NME7: variants seen among roughly 807,000 people sequenced by gnomAD.
The protein encoded by NME7 is NME/NM23 family member 7, also known as nucleoside diphosphate kinase 7.
Under a neutral mutation model 49.1 loss-of-function variants are expected in NME7, and 41 were observed. The ratio of observed to expected loss-of-function variants is 0.83; its 90% CI spans 0.65 to 1.08. The LOEUF is 1.08. Among genes scored for constraint, NME7 ranks in the 50% least tolerant of loss-of-function variants. The pLI is 0.00. For missense variants in NME7, 423 were observed against 463.4 expected (o/e 0.91, Z 0.80); for synonymous variants, 139 against 150.6 (o/e 0.92, Z 0.56).
At chr1:169,283,606 G>T (rs1650133833) in intron 7 of NME7, among the ~76,000 whole-genome samples, 1 of 152,116 alleles carries the variant, frequency 6.6e-6, no homozygotes. Flanking sequence ...TTCATATTTA[G>T]TGCTTCTTTC....
chr1:169,255,597 C>G (rs1280014245), intron 7 of NME7, among the ~76,000 whole-genome samples: 14 of 126,210 alleles, frequency 1.1e-4, no homozygotes, highest in African/African-American at 3.6e-4. Flanking sequence ...TGAATTTGAT[C>G]CTGTCATTAT....
intron 6 of NME7, 150 bp downstream of exon 6, chr1:169,298,406 T>C: frequency 1.4e-6 from 1 of 726,848 alleles, no homozygotes; most frequent in African/African-American, 1.8e-5. Flanking sequence ...GAATCACTGT[T>C]TGATAGTAGG....
intron 10 of NME7, among the ~76,000 whole-genome samples, chr1:169,187,357 C>T (rs140652377): frequency 2.2e-3 from 336 of 152,026 alleles, no homozygotes; most frequent in African/African-American, 7.4e-3. Context: ...TTAAAGTCTC[C>T]CACTATTATT....
At chr1:169,247,647 T>A (rs1648380921) in intron 7 of NME7, among the ~76,000 whole-genome samples, 1 of 152,068 alleles carries the variant, frequency 6.6e-6, no homozygotes, top group Non-Finnish European at 1.5e-5. Context: ...CAACCCTCCC[T>A]CTTCTGAGTC....
intron 7 of NME7, among the ~76,000 whole-genome samples, chr1:169,261,428 A>G (rs1274493138): frequency 2.2e-5 from 3 of 134,116 alleles, no homozygotes; most frequent in African/African-American, 7.6e-5. Context: ...AAAGAAGTAA[A>G]CGTGCATTAG....
At chr1:169,326,109 G>T (rs978147985) in intron 1 of NME7, among the ~76,000 whole-genome samples, 4 of 151,992 alleles carry the variant, frequency 2.6e-5, no homozygotes, top group African/African-American at 9.7e-5. Flanking sequence ...TAGAAGAAAT[G>T]ACACATCTAA....
At chr1:169,249,075 A>G (rs1648446584) in intron 7 of NME7, among the ~76,000 whole-genome samples, 1 of 152,144 alleles carries the variant, frequency 6.6e-6, no homozygotes. Context: ...TGCTTTGGGT[A>G]GTATGGTCAT....
At chr1:169,327,461 GTAT>G (rs780061213) in intron 1 of NME7, among the ~76,000 whole-genome samples, 4 of 152,132 alleles carry the variant, frequency 2.6e-5, no homozygotes, top group Non-Finnish European at 4.4e-5. Flanking sequence ...AGGAAAATGT[GTAT>G]TATTATACCA....
At chr1:169,136,734 TTAAA>T (rs1252602789) in intron 11 of NME7, among the ~76,000 whole-genome samples, 2 of 152,226 alleles carry the variant, frequency 1.3e-5, no homozygotes, top group Non-Finnish European at 1.5e-5. Flanking sequence ...ACCATTAAAT[TTAAA>T]TAAGAACAAT....
At chr1:169,250,637 C>T (rs1490387874) in intron 7 of NME7, among the ~76,000 whole-genome samples, 1 of 151,926 alleles carries the variant, frequency 6.6e-6, no homozygotes, top group Non-Finnish European at 1.5e-5. Context: ...TTTAGTACTG[C>T]TTTTACTATA....
At chr1:169,178,301 A>G (rs1450400354) in intron 10 of NME7, among the ~76,000 whole-genome samples, 4 of 152,184 alleles carry the variant, frequency 2.6e-5, no homozygotes, top group African/African-American at 9.7e-5. Flanking sequence ...ATTTTTGGCT[A>G]GAATTCTTGC....
At chr1:169,184,154 A>C (rs1050408426) in intron 10 of NME7, among the ~76,000 whole-genome samples, 9 of 152,124 alleles carry the variant, frequency 5.9e-5, no homozygotes, top group African/African-American at 1.7e-4. Context: ...AAAAAAAAAA[A>C]CAAAATTCCA....
chr1:169,194,130 A>C (rs1463617565), intron 10 of NME7, among the ~76,000 whole-genome samples: 1 of 152,206 alleles, frequency 6.6e-6, no homozygotes, highest in East Asian at 1.9e-4. Context: ...TTGAATTCCA[A>C]AATGAAATAA....
At chr1:169,233,808 A>G (rs1205540861) in intron 9 of NME7, among the ~76,000 whole-genome samples, 2 of 152,172 alleles carry the variant, frequency 1.3e-5, no homozygotes, top group Non-Finnish European at 2.9e-5. Flanking sequence ...TGTCAAAGCC[A>G]AATTTTCAGA....
intron 7 of NME7, among the ~76,000 whole-genome samples, chr1:169,252,963 A>G (rs1648702149): frequency 6.7e-6 from 1 of 149,522 alleles, no homozygotes; most frequent in Admixed American, 6.7e-5. Flanking sequence ...TGGTTACTGT[A>G]GCCTTGTAGT....
intron 10 of NME7, among the ~76,000 whole-genome samples, chr1:169,184,162 C>T (rs1178527788): frequency 6.6e-6 from 1 of 151,786 alleles, no homozygotes; most frequent in Non-Finnish European, 1.5e-5. Context: ...AAACAAAATT[C>T]CATTTCCTCA....
At chr1:169,244,818 T>C (rs1278194527) in intron 7 of NME7, among the ~76,000 whole-genome samples, 1 of 151,846 alleles carries the variant, frequency 6.6e-6, no homozygotes, top group Non-Finnish European at 1.5e-5. Context: ...CTGGCATCAA[T>C]ATTTTCCCTT....
At chr1:169,236,959 T>A (rs1647881173) in intron 8 of NME7, among the ~76,000 whole-genome samples, 2 of 152,132 alleles carry the variant, frequency 1.3e-5, no homozygotes, top group South Asian at 4.1e-4. Flanking sequence ...TTTATCTGAT[T>A]TATATAATAA....
intron 10 of NME7, among the ~76,000 whole-genome samples, chr1:169,171,927 C>T (rs1289776085): frequency 1.3e-5 from 2 of 151,800 alleles, no homozygotes; most frequent in African/African-American, 2.4e-5. Flanking sequence ...ACCATTTTTC[C>T]TGAGTGTTAT....
Sources: gnomAD v4.1 joint callset for allele counts (sites outside exome capture counted in the v4.1 genomes callset) on GRCh38, gnomAD v4.1.1 for gene constraint, MANE v1.5 for transcripts, NCBI Gene and HGNC (gene_info 2026-07-23, HGNC 2026-07-21) for gene names.